The following ASPH variants were observed in gnomAD, a reference collection of about 807,000 sequenced individuals.
The protein encoded by ASPH is aspartate beta-hydroxylase.
ASPH carries 100 observed loss-of-function variants against 118.4 expected under a neutral mutation model. That is an observed-to-expected ratio of 0.84 (90% CI 0.72 to 1.00). The LOEUF (loss-of-function observed/expected upper bound fraction) is 1.00, where lower values mean the gene tolerates loss of function less well. Ranked by LOEUF, ASPH falls within the 50% of genes least tolerant of loss-of-function variation. ASPH has a pLI of 0.00. For missense variants in ASPH, 920 were observed against 919.5 expected (o/e 1.00, Z -0.01); for synonymous variants, 315 against 325.6 (o/e 0.97, Z 0.35).
At chr8:61,610,607 A>G (rs945235294) in intron 14 of ASPH, among the ~76,000 whole-genome samples, 1 of 152,188 alleles carries the variant, frequency 6.6e-6, no homozygotes, top group African/African-American at 2.4e-5. Flanking sequence ...TTATCTCATA[A>G]TCTCTTTTCA....
intron 24 of ASPH, among the ~76,000 whole-genome samples, chr8:61,513,817 C>T (rs994938429): frequency 6.6e-6 from 1 of 152,136 alleles, no homozygotes; most frequent in Non-Finnish European, 1.5e-5. Context: ...TCTAACCCTC[C>T]TCTGCCTCTG....
chr8:61,527,266 C>A (rs944735200), intron 21 of ASPH, among the ~76,000 whole-genome samples: 1 of 152,046 alleles, frequency 6.6e-6, no homozygotes, highest in East Asian at 1.9e-4. Context: ...ATTGGTCAAG[C>A]AAAATGATCA....
intron 14 of ASPH, among the ~76,000 whole-genome samples, chr8:61,603,282 G>A (rs1175510082): frequency 6.7e-6 from 1 of 148,276 alleles, no homozygotes; most frequent in East Asian, 2.0e-4. Context: ...AATAATCAGT[G>A]TTTACATTTC....
At chr8:61,669,221 T>C in intron 3 of ASPH, among the ~76,000 whole-genome samples, 1 of 152,230 alleles carries the variant, frequency 6.6e-6, no homozygotes, top group Non-Finnish European at 1.5e-5. Context: ...TTCTCAAAAC[T>C]TCTACTTTCA....
intron 3 of ASPH, chr8:61,664,777 T>A: frequency 1.0e-6 from 1 of 986,136 alleles, no homozygotes. Context: ...TGGTGGCACA[T>A]GAGCCTGGGG....
chr8:61,628,881 A>G (rs1195971823), intron 13 of ASPH, among the ~76,000 whole-genome samples: 1 of 152,198 alleles, frequency 6.6e-6, no homozygotes, highest in African/African-American at 2.4e-5. Flanking sequence ...TGCTCAATAT[A>G]TATTTTTTGA....
chr8:61,551,316 T>C (rs1337063557), intron 20 of ASPH, among the ~76,000 whole-genome samples: 1 of 152,190 alleles, frequency 6.6e-6, no homozygotes, highest in Non-Finnish European at 1.5e-5. Flanking sequence ...TCTTTCAGAG[T>C]TGGAGCAGTG....
chr8:61,599,032 CA>C (rs1843181467), intron 14 of ASPH, among the ~76,000 whole-genome samples: 1 of 151,924 alleles, frequency 6.6e-6, no homozygotes, highest in Admixed American at 6.6e-5. Context: ...ACACCTACAA[CA>C]AAAATGTAGA....
chr8:61,684,263 CAAT>C, intron 1 of ASPH, 75 bp from the exon 2 acceptor site: 2 of 1,442,636 alleles, frequency 1.4e-6, no homozygotes, highest in Admixed American at 2.2e-5. Flanking sequence ...ATTATTTCTC[CAAT>C]AATTTGGGAT....
At chr8:61,705,701 T>C (rs1457236867) in intron 1 of ASPH, among the ~76,000 whole-genome samples, 1 of 151,968 alleles carries the variant, frequency 6.6e-6, no homozygotes, top group Non-Finnish European at 1.5e-5. Flanking sequence ...TTTACAAAGG[T>C]AGAAATGGAT....
In ASPH at chr8:61,682,719, C is replaced by T. The variant is rs186580524; in HGVS notation, c.253+1320G>A. ...AAAAACTTCAATGAAAGACAGATTA[C>T]AAATAAGCATATTTTGTTATTCCTA... On this transcript the variant is annotated intron_variant, in intron 2 of 24. Coordinates refer to ENST00000379454, the MANE Select transcript of ASPH (RefSeq NM_004318.4). Among the ~76,000 whole-genome samples the T allele has an allele frequency of 1.6e-3, 245 of 152,188 alleles. 1 individual carries two copies. Among genetic ancestry groups the T allele is most frequent in the African/African-American group, 5.3e-3 (221 of 41,546 alleles).
chr8:61,520,502 T>C (rs968120927), intron 22 of ASPH, among the ~76,000 whole-genome samples: 3 of 152,390 alleles, frequency 2.0e-5, no homozygotes, highest in South Asian at 4.1e-4. Context: ...CTCAATGTTT[T>C]AGAAAACAAC....
intron 24 of ASPH, among the ~76,000 whole-genome samples, chr8:61,504,339 G>C (rs1805599731): frequency 6.6e-6 from 1 of 152,030 alleles, no homozygotes; most frequent in South Asian, 2.1e-4. Flanking sequence ...TAAAATTTTT[G>C]CTAGAAAATT....
chr8:61,536,904 T>A (rs1819823925), intron 21 of ASPH, among the ~76,000 whole-genome samples: 1 of 152,162 alleles, frequency 6.6e-6, no homozygotes, highest in Non-Finnish European at 1.5e-5. Context: ...GAATTCAGCC[T>A]CTCATCATCC....
intron 24 of ASPH, among the ~76,000 whole-genome samples, chr8:61,516,278 G>C (rs758611085): frequency 6.6e-6 from 1 of 152,174 alleles, no homozygotes; most frequent in African/African-American, 2.4e-5. Context: ...GCCATCTGTA[G>C]TATTTTTAGC....
chr8:61,612,979 A>G (rs1564011176), intron 14 of ASPH, among the ~76,000 whole-genome samples: 1 of 152,214 alleles, frequency 6.6e-6, no homozygotes, highest in African/African-American at 2.4e-5. Context: ...TATCAGATGA[A>G]GGGGCAAGAA....
chr8:61,525,548 C>T (rs1010673194), intron 22 of ASPH, among the ~76,000 whole-genome samples: 1 of 152,116 alleles, frequency 6.6e-6, no homozygotes, highest in Non-Finnish European at 1.5e-5. Context: ...TACCATCATC[C>T]GTGTTGATAT....
Position 61,704,579 on chromosome 8 carries a change from T to C in ASPH, c.103+9690A>G, listed in dbSNP as rs553590702. 1.1e-3 allele frequency among the ~76,000 whole-genome samples: 161 copies of C among 152,132 alleles called. 3 individuals carry two copies. The South Asian group carries it at 0.032, about 30-fold the overall frequency. On this transcript the variant is annotated intron_variant, in intron 1 of 24. Transcript: ENST00000379454. ...GGTAAGTTATAGACTGGGAGAAATA[T>C]GTGCTATATATATCTGAAAAGAACT...
At chr8:61,674,103 T>G (rs1824028064) in intron 3 of ASPH, among the ~76,000 whole-genome samples, 1 of 150,052 alleles carries the variant, frequency 6.7e-6, no homozygotes, top group Non-Finnish European at 1.5e-5. Context: ...AATCATTTAC[T>G]TCTTATCAAT....
Sources: gnomAD v4.1 joint callset for allele counts (sites outside exome capture counted in the v4.1 genomes callset) on GRCh38, gnomAD v4.1.1 for gene constraint, MANE v1.5 for transcripts, NCBI Gene and HGNC (gene_info 2026-07-23, HGNC 2026-07-21) for gene names.